ADAM10: variants seen among roughly 807,000 people sequenced by gnomAD.
The protein encoded by ADAM10 is ADAM metallopeptidase domain 10, also known as disintegrin and metalloproteinase domain-containing protein 10.
A neutral mutation model predicts 90.1 loss-of-function variants in ADAM10; 17 were observed. That is an observed-to-expected ratio of 0.19 (90% CI 0.13 to 0.28). The LOEUF is 0.28. Ranked by LOEUF, ADAM10 falls within the 10% of genes least tolerant of loss-of-function variation. ADAM10 has a pLI of 1.00. For missense variants in ADAM10, 610 were observed against 914.3 expected, an observed-to-expected ratio of 0.67 and a Z score of 4.29; for synonymous variants, 310 against 298.6, an observed-to-expected ratio of 1.04 and a Z score of -0.40.
chr15:58,632,380 AATACAG>A (rs1222659295), intron 9 of ADAM10, among the ~76,000 whole-genome samples: 1 of 152,226 alleles, frequency 6.6e-6, no homozygotes, highest in East Asian at 1.9e-4. Context: ...AAGAAAAAGA[AATACAG>A]ATAGAAGATA....
chr15:58,613,995 A>T (rs1886566712), intron 11 of ADAM10, among the ~76,000 whole-genome samples: 1 of 152,176 alleles, frequency 6.6e-6, no homozygotes, highest in African/African-American at 2.4e-5. Context: ...AGGAGAAGAG[A>T]TTTAAAAAGG....
Position 58,655,595 on chromosome 15 carries a change from A to C in ADAM10, c.586-9391T>G, listed in dbSNP as rs566612177. On this transcript the variant is annotated intron_variant, in intron 5 of 15. Transcript: ENST00000260408. The stretch of plus-strand genomic sequence containing the variant: ...AAGGTTTGGGCTGAGACAAATATCC[A>C]AACTATATTAATATATATTTACAGT... Among the ~76,000 whole-genome samples the C allele has an allele frequency of 1.3e-4, 20 of 149,134 alleles. No individual in the cohort carries two copies. In the South Asian group the frequency reaches 4.2e-3, roughly 32 times the overall value.
chr15:58,721,865 TA>T (rs1280978900), intron 1 of ADAM10, among the ~76,000 whole-genome samples: 2 of 148,652 alleles, frequency 1.3e-5, no homozygotes, highest in African/African-American at 5.0e-5. Flanking sequence ...CCACCTCTGC[TA>T]AAAATACAAA....
chr15:58,708,959 GC>G (rs1397920354), intron 2 of ADAM10, among the ~76,000 whole-genome samples: 1 of 152,112 alleles, frequency 6.6e-6, no homozygotes, highest in Non-Finnish European at 1.5e-5. Flanking sequence ...GTATTCAGAA[GC>G]TATATCTAAA....
intron 11 of ADAM10, among the ~76,000 whole-genome samples, 155 bp from the exon 12 acceptor site, chr15:58,612,146 C>T (rs1895456354): frequency 6.6e-6 from 1 of 152,150 alleles, no homozygotes; most frequent in Non-Finnish European, 1.5e-5. Context: ...TGGTATACAA[C>T]TTCAAAAAAC....
intron 5 of ADAM10, among the ~76,000 whole-genome samples, chr15:58,650,478 G>A (rs1896656821): frequency 6.6e-6 from 1 of 152,126 alleles, no homozygotes; most frequent in African/African-American, 2.4e-5. Context: ...TTCTTAGGGA[G>A]TAGTCCTTCA....
rs111828583 is a variant in ADAM10 at position 58,677,056 on chromosome 15, C to A, written c.484+2068G>T. Among the ~76,000 whole-genome samples the A allele has an allele frequency of 3.5e-3, 530 of 152,214 alleles. 5 individuals are homozygous for A. The highest frequency in any genetic ancestry group is 0.012 in the African/African-American group (509 of 41,538). ...TAAAAGACTAATACATGAATGTTTT[C>A]TTGTCTTAAACCATGGTTCACTTGA... On this transcript the variant is annotated intron_variant, in intron 4 of 15. Coordinates refer to ENST00000260408, the MANE Select transcript of ADAM10 (RefSeq NM_001110.4).
intron 10 of ADAM10, among the ~76,000 whole-genome samples, chr15:58,626,590 T>C (rs180988724): frequency 1.2e-3 from 186 of 152,194 alleles, no homozygotes; most frequent in Non-Finnish European, 1.3e-3. Context: ...AAGAACAAAA[T>C]CTGGTCTATA....
intron 10 of ADAM10, among the ~76,000 whole-genome samples, chr15:58,625,499 A>G (rs1895910440): frequency 6.6e-6 from 1 of 152,198 alleles, no homozygotes. Flanking sequence ...AAAACTGTGA[A>G]AACTCCAAAT....
intron 1 of ADAM10, chr15:58,748,606 T>A (rs1380281312): frequency 7.9e-6 from 2 of 251,948 alleles, no homozygotes; most frequent in Admixed American, 5.5e-5. Flanking sequence ...ATCCACTAAC[T>A]ACACTGTACA....
chr15:58,722,728 T>TC (rs1555422054), intron 1 of ADAM10, among the ~76,000 whole-genome samples: 23 of 139,632 alleles, frequency 1.6e-4, no homozygotes, highest in African/African-American at 6.4e-4. Flanking sequence ...TTTGAGAACT[T>TC]TTTTTTTTTT....
intron 14 of ADAM10, 137 bp from the exon 15 acceptor site, chr15:58,599,861 C>A (rs1895062058): frequency 1.3e-6 from 1 of 785,172 alleles, no homozygotes; most frequent in African/African-American, 1.8e-5. Flanking sequence ...GAGTTGTATA[C>A]ATATGTTAGA....
At chr15:58,643,061 GGAT>G (rs1303554211) in intron 7 of ADAM10, among the ~76,000 whole-genome samples, 14 of 151,934 alleles carry the variant, frequency 9.2e-5, no homozygotes, top group Non-Finnish European at 1.9e-4. Context: ...TTTTGTGAAA[GGAT>G]GATTTTTTTT....
chr15:58,643,948 T>C lies in ADAM10; in HGVS notation c.766A>G (p.Ile256Val). 4 of 1,613,076 alleles carry C rather than the reference T, an allele frequency of 2.5e-6. No individual in the cohort carries two copies. The highest frequency in any genetic ancestry group is 3.4e-6 in the Non-Finnish European group (4 of 1,179,096). ...CCGGAGAAGTCTGTGGTCTGGTAAA[T>C]TGTATCAATCGCTTTAACATGACTG... ...ISSHVKAIDT[I>V]YQTTDFSGIR... The change falls in exon 7 of 16, where the codon ATT becomes GTT. Residue 256 changes from isoleucine to valine, a missense_variant. Transcript: ENST00000260408.
intron 2 of ADAM10, among the ~76,000 whole-genome samples, chr15:58,702,687 T>C (rs77223332): frequency 1.1e-3 from 175 of 152,322 alleles, no homozygotes; most frequent in Non-Finnish European, 2.0e-3. Context: ...AAACCACATA[T>C]AAAATCAGTT....
chr15:58,733,704 C>G (rs528939353), intron 1 of ADAM10, among the ~76,000 whole-genome samples: 10 of 152,120 alleles, frequency 6.6e-5, no homozygotes, highest in Admixed American at 6.5e-4. Flanking sequence ...AGGCAAAATT[C>G]CAAAAATATT....
intron 2 of ADAM10, among the ~76,000 whole-genome samples, chr15:58,705,495 TCC>T (rs1898252808): frequency 6.6e-6 from 1 of 152,102 alleles, no homozygotes; most frequent in Admixed American, 6.5e-5. Context: ...AGATACTGAG[TCC>T]CTAGTCTTAG....
At chr15:58,612,593 A>G (rs1895474039) in intron 11 of ADAM10, among the ~76,000 whole-genome samples, 1 of 152,050 alleles carries the variant, frequency 6.6e-6, no homozygotes, top group South Asian at 2.1e-4. Flanking sequence ...ACTTTGGGAT[A>G]CCACCAAGCC....
intron 5 of ADAM10, among the ~76,000 whole-genome samples, chr15:58,653,715 T>C (rs1284658486): frequency 6.6e-6 from 1 of 152,214 alleles, no homozygotes; most frequent in East Asian, 1.9e-4. Flanking sequence ...ATCAGAGTAA[T>C]ACTGGCCTCC....
Sources: gnomAD v4.1 joint callset for allele counts (sites outside exome capture counted in the v4.1 genomes callset) on GRCh38, gnomAD v4.1.1 for gene constraint, MANE v1.5 for transcripts, NCBI Gene and HGNC (gene_info 2026-07-23, HGNC 2026-07-21) for gene names.